ALDOA: variants seen among roughly 807,000 people sequenced by gnomAD.
ALDOA encodes the protein aldolase, fructose-bisphosphate A.
In ALDOA, 26 loss-of-function variants were observed where a neutral mutation model predicts 43.9. The ratio of observed to expected loss-of-function variants is 0.59; its 90% CI spans 0.43 to 0.82. ALDOA has a LOEUF of 0.82. Among genes scored for constraint, ALDOA ranks in the 40% least tolerant of loss-of-function variants. The pLI is 0.00. For synonymous variants in ALDOA, 258 were observed against 222.6 expected, an observed-to-expected ratio of 1.16 and a Z score of -1.42; for missense variants, 498 against 549.5, an observed-to-expected ratio of 0.91 and a Z score of 0.94.
At chr16:30,068,062 ATTT>A (rs71143773) in intron 4 of ALDOA, 814 of 176,086 alleles carry the variant, frequency 4.6e-3, no homozygotes, top group South Asian at 0.011. Context: ...TTTTAAGTAA[ATTT>A]TTTTTTTTTT....
In ALDOA at chr16:30,067,315, C is replaced by G. The variant is rs766734350; in HGVS notation, c.223C>G (p.His75Asp). Residue 75 changes from histidine to aspartate, a missense_variant, in exon 3 of 10, where the codon CAC (histidine) becomes GAC (aspartate). Coordinates refer to ENST00000642816, the MANE Select transcript of ALDOA (RefSeq NM_001243177.4). The part of the protein sequence containing the change: ...EQKKELSDIA[H>D]RIVAPGKGIL... The stretch of plus-strand genomic sequence containing the variant: ...GAAGAAGGAGCTGTCTGACATCGCT[C>G]ACCGCATCGTGGCACCTGGCAAGGG... 1.9e-6 allele frequency: 3 copies of G among 1,613,364 alleles called. No individual in the cohort carries two copies. Among genetic ancestry groups the G allele is most frequent in the Non-Finnish European group, 2.5e-6 (3 of 1,180,028 alleles).
intron 7 of ALDOA, 47 bp from the exon 8 acceptor site, chr16:30,069,452 A>G (rs377623839): frequency 3.7e-5 from 60 of 1,613,700 alleles, no homozygotes; most frequent in Middle Eastern, 1.6e-4. Context: ...GCTAACCCCT[A>G]TCCTCTCCTC....
rs2072171221 is a variant in ALDOA at position 30,067,674 on chromosome 16, C to T, written c.486+13C>T. The T allele has an allele frequency of 3.7e-6, 6 of 1,613,908 alleles. No homozygotes were observed. The highest frequency in any genetic ancestry group is 5.1e-6 in the Non-Finnish European group (6 of 1,179,924). On this transcript the variant is annotated intron_variant, in intron 4 of 9. Coordinates refer to ENST00000642816, the MANE Select transcript of ALDOA (RefSeq NM_001243177.4). Reference sequence around the variant, plus strand: ...TGTGGGCATCAAGGTAAGGGGAGGGCCTCCGGACGTGAGGTTTGAGATGGA... The same window carrying T: ...TGTGGGCATCAAGGTAAGGGGAGGGTCTCCGGACGTGAGGTTTGAGATGGA...
At chr16:30,068,781 C>G (rs1207341277) in intron 5 of ALDOA, 37 bp from the exon 6 acceptor site, 2 of 1,614,116 alleles carry the variant, frequency 1.2e-6, no homozygotes, top group African/African-American at 2.7e-5. Flanking sequence ...CCACATGCCC[C>G]TCCCCACCGT....
At chr16:30,066,603 C>T (rs2072114522) in intron 1 of ALDOA, among the ~76,000 whole-genome samples, 1 of 152,222 alleles carries the variant, frequency 6.6e-6, no homozygotes, top group African/African-American at 2.4e-5. Flanking sequence ...ATGCCCCTTT[C>T]CTACCACCCG....
intron 6 of ALDOA, 81 bp from the exon 7 acceptor site, chr16:30,069,225 T>C: frequency 3.3e-6 from 5 of 1,509,470 alleles, no homozygotes; most frequent in Non-Finnish European, 3.7e-6. Flanking sequence ...CAAGATACGG[T>C]CTTGACCAGT....
chr16:30,065,449 C>A (rs2072064416), upstream of ALDOA, among the ~76,000 whole-genome samples: 1 of 152,352 alleles, frequency 6.6e-6, no homozygotes, highest in South Asian at 2.1e-4. Flanking sequence ...TTCCCCGTTC[C>A]GCCCTCCCCC....
rs2072166587 is a variant in ALDOA, at chr16:30,067,608, G to A, written c.433G>A (p.Gly145Arg). 6.2e-7 allele frequency: 1 copy of A among 1,614,132 alleles called. No individual in the cohort carries two copies. The highest frequency in any genetic ancestry group is 1.3e-5 in the African/African-American group (1 of 75,030). Residue 145 changes from glycine to arginine, a missense_variant, in exon 4 of 10, where the codon GGG (glycine) becomes AGG (arginine). Coordinates refer to ENST00000642816, the MANE Select transcript of ALDOA (RefSeq NM_001243177.4). ...HETLYQKADD[G>R]RPFPQVIKSK... The stretch of plus-strand genomic sequence containing the variant: ...GACACTCTACCAGAAGGCGGATGAT[G>A]GGCGTCCCTTCCCCCAAGTTATCAA...
chr16:30,064,569 C>G, upstream of ALDOA: 1 of 398,696 alleles, frequency 2.5e-6, no homozygotes, highest in Non-Finnish European at 4.4e-6. Context: ...CCCCTTCCCC[C>G]ATGCCGGGCC....
upstream of ALDOA, among the ~76,000 whole-genome samples, chr16:30,065,083 C>A (rs1010555890): frequency 1.3e-5 from 2 of 152,196 alleles, no homozygotes; most frequent in East Asian, 3.9e-4. Context: ...GGCGGCCCGG[C>A]GGAGAGCGCG....
chr16:30,065,433 C>G (rs541763337), upstream of ALDOA, among the ~76,000 whole-genome samples: 1 of 152,224 alleles, frequency 6.6e-6, no homozygotes, highest in Non-Finnish European at 1.5e-5. Context: ...CATCCGCGTC[C>G]TCCACTTCCC....
At chr16:30,065,313 C>G (rs999269250), upstream of ALDOA, among the ~76,000 whole-genome samples, 2 of 152,196 alleles carry the variant, frequency 1.3e-5, no homozygotes, top group Admixed American at 6.5e-5. Flanking sequence ...GCGATGTGGC[C>G]CCTATGGTGA....
Position 30,067,570 on chromosome 16 carries a change from T to A in ALDOA, c.395T>A (p.Ile132Asn). Residue 132 changes from isoleucine to asparagine, a missense_variant, in exon 4 of 10, where the codon ATC becomes AAC. Ile to Asn is a moderately radical substitution (Grantham distance 149). Coordinates refer to ENST00000642816, the MANE Select transcript of ALDOA (RefSeq NM_001243177.4). ...DRVNPCIGGVILFHETLYQKA... is the reference protein window; with the variant it reads ...DRVNPCIGGVNLFHETLYQKA... ...GTGAACCCCTGCATTGGGGGTGTCA[T>A]CCTCTTCCATGAGACACTCTACCAG... 1 of 1,613,900 alleles carries A rather than the reference T, an allele frequency of 6.2e-7. No individual in the cohort carries two copies. Among genetic ancestry groups the A allele is most frequent in the Non-Finnish European group, 8.5e-7 (1 of 1,180,016 alleles).
rs923451636 is a variant in ALDOA at position 30,067,131 on chromosome 16, G to C, written c.141+93G>C. 7.6e-6 allele frequency: 12 copies of C among 1,581,536 alleles called. No homozygotes were observed. In the Admixed American group the frequency reaches 1.3e-4, roughly 17 times the overall value. On this transcript the variant is annotated intron_variant, in intron 2 of 9. Transcript: ENST00000642816. ...GGCCTGCTGGGTGTGGGGCAGGGGAGGTAGGGAACATTTCCCTGACCTCCA... is the reference window on the plus strand; with the variant it reads ...GGCCTGCTGGGTGTGGGGCAGGGGACGTAGGGAACATTTCCCTGACCTCCA...
chr16:30,069,770 C>T (rs2072254180), intron 8 of ALDOA, 60 bp from the exon 9 acceptor site: 2 of 1,612,248 alleles, frequency 1.2e-6, no homozygotes, highest in Non-Finnish European at 1.7e-6. Flanking sequence ...CTTCCACCAG[C>T]TCCTGCCAGC....
rs3179750 is a variant in ALDOA, at chr16:30,070,413, G to T, written c.*201G>T. On this transcript the variant is annotated 3_prime_UTR_variant, in exon 10 of 10. Coordinates refer to ENST00000642816, the MANE Select transcript of ALDOA (RefSeq NM_001243177.4). ...GCCAAATAAACAGCTATTTAAGGGG[G>T]AGTCGGCCGTCCGTGTCTTGTGGTG... 3.3e-5 allele frequency: 20 copies of T among 603,456 alleles called. 1 individual carries two copies. Among genetic ancestry groups the T allele is most frequent in the Non-Finnish European group, 6.0e-5 (20 of 335,704 alleles). The allele number at this position is 603,456 out of a possible 1,614,324, so 37.4% of individuals were successfully genotyped here.
At position 30,066,942 on chromosome 16, in the gene ALDOA, C is replaced by T. The variant is rs768538661; in HGVS notation, c.45C>T (p.His15=). ...AAGGGTCCAGCTTCAACATGACCCA[C>T]CTGTCCATGGCTATGGCCTTTTCCT... ...KPEGSSFNMT[H]LSMAMAFSFP... Residue 15 remains histidine, a synonymous_variant, in exon 2 of 10, where the codon CAC becomes CAT. Coordinates refer to ENST00000642816, the MANE Select transcript of ALDOA (RefSeq NM_001243177.4). 1 of 1,551,106 alleles carries T rather than the reference C, an allele frequency of 6.4e-7. No homozygotes were observed. Among genetic ancestry groups the T allele is most frequent in the South Asian group, 1.2e-5 (1 of 84,088 alleles).
In ALDOA at chr16:30,069,537, C is replaced by T. The variant is rs199653623; in HGVS notation, c.825C>T (p.His275=). 4 of 1,614,132 alleles carry T rather than the reference C, an allele frequency of 2.5e-6. No individual in the cohort carries two copies. Among genetic ancestry groups the T allele is most frequent in the East Asian group, 4.5e-5 (2 of 44,886 alleles). The change falls in exon 8 of 10, where the codon CAC becomes CAT. Residue 275 remains histidine, a synonymous_variant. Coordinates refer to ENST00000642816, the MANE Select transcript of ALDOA (RefSeq NM_001243177.4). ...AAVYKALSDH[H]IYLEGTLLKP... ...TCTACAAGGCTCTGAGTGACCACCA[C>T]ATCTACCTGGAAGGCACCTTGCTGA...
chr16:30,066,940 C>A lies in ALDOA; in HGVS notation c.43C>A (p.His15Asn), dbSNP rs2072130003. 1.9e-6 allele frequency: 3 copies of A among 1,550,906 alleles called. No homozygotes were observed. Among genetic ancestry groups the A allele is most frequent in the Non-Finnish European group, 2.6e-6 (3 of 1,147,236 alleles). ...AGAAGGGTCCAGCTTCAACATGACC[C>A]ACCTGTCCATGGCTATGGCCTTTTC... is the stretch of plus-strand genomic sequence containing the variant. ...KPEGSSFNMT[H>N]LSMAMAFSFP... Residue 15 changes from histidine to asparagine, a missense_variant, in exon 2 of 10, where the codon CAC (histidine) becomes AAC (asparagine). By Grantham distance (68) the His-to-Asn change is moderately conservative (BLOSUM62 1). Coordinates refer to ENST00000642816, the MANE Select transcript of ALDOA (RefSeq NM_001243177.4).
Sources: gnomAD v4.1 joint callset for allele counts (sites outside exome capture counted in the v4.1 genomes callset) on GRCh38, gnomAD v4.1.1 for gene constraint, MANE v1.5 for transcripts, NCBI Gene and HGNC (gene_info 2026-07-23, HGNC 2026-07-21) for gene names.